SLC13A3: variants seen among roughly 807,000 people sequenced by gnomAD.
The protein encoded by SLC13A3 is solute carrier family 13 member 3.
SLC13A3 carries 40 observed loss-of-function variants against 59.0 expected under a neutral mutation model. The ratio of observed to expected loss-of-function variants is 0.68; its 90% CI spans 0.53 to 0.88. SLC13A3 has a LOEUF of 0.88. SLC13A3 is among the 40% of genes least tolerant of loss of function. The pLI is 0.00. For synonymous variants in SLC13A3, 317 were observed against 330.3 expected (o/e 0.96, Z 0.44); for missense variants, 699 against 783.2 (o/e 0.89, Z 1.28).
chr20:46,589,885 C>T (rs1322829912), intron 6 of SLC13A3, among the ~76,000 whole-genome samples: 1 of 152,078 alleles, frequency 6.6e-6, no homozygotes, highest in Non-Finnish European at 1.5e-5. Flanking sequence ...AGAGCTAAAG[C>T]CATAACACTC....
rs766921649 is a variant in SLC13A3, at chr20:46,613,529, A to G, written c.308T>C (p.Ile103Thr). Residue 103 changes from isoleucine to threonine, a missense_variant, in exon 2 of 13, where the codon ATT (isoleucine) becomes ACT (threonine). Coordinates refer to ENST00000279027, the MANE Select transcript of SLC13A3 (RefSeq NM_022829.6). Reference sequence around the variant, plus strand: ...TCGCCGGTGCAGGTTCCACTCCTCAATGGCGCTGGCCATGATCAGCCCACT... The same window carrying G: ...TCGCCGGTGCAGGTTCCACTCCTCAGTGGCGCTGGCCATGATCAGCCCACT... ...FLSGLIMASA[I>T]EEWNLHRRIA... The G allele has an allele frequency of 1.5e-5, 25 of 1,613,706 alleles. No individual in the cohort carries two copies. The highest frequency in any genetic ancestry group is 8.8e-5 in the South Asian group (8 of 91,016).
rs140812730 is a variant in SLC13A3 at position 46,583,648 on chromosome 20, G to A, written c.1143C>T (p.Thr381=). ...ACAAGATGGTGACAATAGCCACGCC[G>A]GTGACAGCATCAGAAAGAAACCTAC... The part of the protein sequence containing the change: ...FNPGFLSDAV[T]GVAIVTILFF... The change falls in exon 9 of 13, where the codon ACC becomes ACT. Residue 381 remains threonine (T), a synonymous_variant. Transcript: ENST00000279027. The A allele has an allele frequency of 1.5e-4, 240 of 1,614,020 alleles. No individual in the cohort carries two copies. Among genetic ancestry groups the A allele is most frequent in the Admixed American group, 2.7e-4 (16 of 60,002 alleles).
At chr20:46,641,533 G>A (rs909201348) in intron 1 of SLC13A3, among the ~76,000 whole-genome samples, 1 of 152,168 alleles carries the variant, frequency 6.6e-6, no homozygotes, top group Non-Finnish European at 1.5e-5. Context: ...CTTCTAGGAG[G>A]AGGTACCATT....
chr20:46,584,477 G>A (rs2062172320), intron 8 of SLC13A3: 2 of 985,318 alleles, frequency 2.0e-6, no homozygotes, highest in Non-Finnish European at 2.4e-6. Context: ...AAAGCCTAGA[G>A]CTCACTGCTA....
At chr20:46,560,977 G>A (rs1264196268) in intron 12 of SLC13A3, among the ~76,000 whole-genome samples, 3 of 152,156 alleles carry the variant, frequency 2.0e-5, no homozygotes, top group South Asian at 4.2e-4. Context: ...TCTTAGGGGT[G>A]TGATAGGAAA....
intron 1 of SLC13A3, among the ~76,000 whole-genome samples, chr20:46,658,401 G>A (rs1292089129): frequency 6.6e-6 from 1 of 152,192 alleles, no homozygotes; most frequent in Non-Finnish European, 1.5e-5. Context: ...GGTGATAGAT[G>A]TGTTCTGCTG....
rs757043932 is a variant in SLC13A3 at position 46,592,155 on chromosome 20, T to C, written c.920+249A>G. Among the ~76,000 whole-genome samples the C allele has an allele frequency of 1.3e-4, 20 of 152,176 alleles. 1 individual carries two copies. Among genetic ancestry groups the C allele is most frequent in the Non-Finnish European group, 1.9e-4 (13 of 68,032 alleles). ...TGAACCTGGGAGATTGAGGCTGCAATGTGCTATGATCGCACCACTGCACTC... is the reference window on the plus strand; with the variant it reads ...TGAACCTGGGAGATTGAGGCTGCAACGTGCTATGATCGCACCACTGCACTC... On this transcript the variant is annotated intron_variant, in intron 6 of 12. Coordinates refer to ENST00000279027, the MANE Select transcript of SLC13A3 (RefSeq NM_022829.6).
At chr20:46,612,840 T>C (rs2062513121) in intron 2 of SLC13A3, among the ~76,000 whole-genome samples, 2 of 152,126 alleles carry the variant, frequency 1.3e-5, no homozygotes, top group Admixed American at 6.5e-5. Flanking sequence ...CTCTTTAGGA[T>C]TGTAACCCTG....
In SLC13A3 at chr20:46,583,608, G is replaced by A; in HGVS notation, c.1183C>T (p.Gln395Ter). Residue 395 changes from glutamine to a stop codon, truncating the protein, a stop_gained, in exon 9 of 13, where the codon CAA becomes TAA. Coordinates refer to ENST00000279027, the MANE Select transcript of SLC13A3 (RefSeq NM_022829.6). LOFTEE classifies it high-confidence loss of function. ...AACCACCACTTGAGAGAGGGCCTTTGGGACGGGAAGAAGAACAAGATGGTG... is the reference window on the plus strand; with the variant it reads ...AACCACCACTTGAGAGAGGGCCTTTAGGACGGGAAGAAGAACAAGATGGTG... ...IVTILFFFPS[Q>*]RPSLKWWFDF... 1 of 1,613,560 alleles carries A rather than the reference G, an allele frequency of 6.2e-7. No homozygotes were observed. The highest frequency in any genetic ancestry group is 1.1e-5 in the South Asian group (1 of 91,040).
rs549131642 is a variant in SLC13A3 at position 46,669,388 on chromosome 20, T to C, written c.-31+655A>G. On this transcript the variant is annotated intron_variant, in intron 1 of 12. Coordinates refer to the SLC13A3 transcript ENST00000290317. ...AGCACTTACTATGCCCCACACACTA[T>C]GCTAAGTGCTTCCTCAGCTTTTCTC... Among the ~76,000 whole-genome samples, 110 of 152,192 alleles carry C rather than the reference T, an allele frequency of 7.2e-4. 1 individual carries two copies. The Middle Eastern group carries it at 0.02, about 28-fold the overall frequency.
chr20:46,626,107 C>CTG (rs1568943600), intron 1 of SLC13A3, among the ~76,000 whole-genome samples: 2 of 151,194 alleles, frequency 1.3e-5, no homozygotes, highest in East Asian at 3.9e-4. Flanking sequence ...TTCTCTCTCT[C>CTG]TCTCTCTCTC....
In SLC13A3 at chr20:46,651,345, G is replaced by T; in HGVS notation, c.77C>A (p.Ala26Glu). ...RLLVLLFTPL[A>E]LLPVVFALPP... ...GAGGGCGAAGACCACCGGCAGCAGCGCGAGCGGCGTGAACAGCAGCACCAG... is the reference window on the plus strand; with the variant it reads ...GAGGGCGAAGACCACCGGCAGCAGCTCGAGCGGCGTGAACAGCAGCACCAG... The change falls in exon 1 of 13, where the codon GCG becomes GAG. Residue 26 changes from alanine (A) to glutamate (E), a missense_variant. By Grantham distance (107) the Ala-to-Glu change is moderately radical. Coordinates refer to ENST00000279027, the MANE Select transcript of SLC13A3 (RefSeq NM_022829.6). 1 of 1,514,516 alleles carries T rather than the reference G, an allele frequency of 6.6e-7. No individual in the cohort carries two copies. The highest frequency in any genetic ancestry group is 1.2e-5 in the South Asian group (1 of 80,236). 93.8% of individuals were successfully genotyped at this position (1,514,516 alleles called of 1,614,324 possible). A position where few individuals can be genotyped will look rare whatever the true frequency, so the allele number is the denominator to read the frequency against.
At chr20:46,624,700 A>T (rs1284700400) in intron 1 of SLC13A3, among the ~76,000 whole-genome samples, 1 of 152,220 alleles carries the variant, frequency 6.6e-6, no homozygotes, top group African/African-American at 2.4e-5. Flanking sequence ...TCTGAAATTC[A>T]AAGTGAACTT....
At chr20:46,659,575 C>T (rs759073977) in intron 1 of SLC13A3, among the ~76,000 whole-genome samples, 2 of 151,840 alleles carry the variant, frequency 1.3e-5, no homozygotes, top group African/African-American at 2.4e-5. Flanking sequence ...ATTAGCTGAG[C>T]GTAGTTGCAG....
In SLC13A3 at chr20:46,592,377, T is replaced by C. The variant is rs766101453; in HGVS notation, c.920+27A>G. 13 of 1,612,998 alleles carry C rather than the reference T, an allele frequency of 8.1e-6. No homozygotes were observed. The East Asian group carries it at 2.9e-4, about 36-fold the overall frequency. ...AACGCCATTCCCTGCTTCCCCACTC[T>C]ATTGCCAAAAAGAAAATGAGAGGTA... On this transcript the variant is annotated intron_variant, in intron 6 of 12. Coordinates refer to ENST00000279027, the MANE Select transcript of SLC13A3 (RefSeq NM_022829.6).
At position 46,666,748 on chromosome 20, in the gene SLC13A3, C is replaced by T. The variant is rs145254940; in HGVS notation, c.-31+3295G>A. ...CGAACTCCTGGGCTCAAGCGACCCTCCTGCCTCGGCCTCTCAAAGCGTTGG... is the reference window on the plus strand; with the variant it reads ...CGAACTCCTGGGCTCAAGCGACCCTTCTGCCTCGGCCTCTCAAAGCGTTGG... On this transcript the variant is annotated intron_variant, in intron 1 of 12. Transcript: ENST00000290317. 1.4e-3 allele frequency among the ~76,000 whole-genome samples: 220 copies of T among 152,268 alleles called. 1 individual carries two copies. The highest frequency in any genetic ancestry group is 5.2e-3 in the African/African-American group (215 of 41,542).
At chr20:46,600,137 G>T in intron 3 of SLC13A3, 100 bp from the exon 4 acceptor site, 1 of 560,856 alleles carries the variant, frequency 1.8e-6, no homozygotes, top group Non-Finnish European at 2.7e-6. Flanking sequence ...CTTTGCCAAG[G>T]ATCCTATACT....
chr20:46,591,939 C>T (rs2062262063), intron 6 of SLC13A3, among the ~76,000 whole-genome samples: 1 of 152,068 alleles, frequency 6.6e-6, no homozygotes, highest in Non-Finnish European at 1.5e-5. Context: ...AGCACGGTGG[C>T]TCACACCTAT....
upstream of SLC13A3, among the ~76,000 whole-genome samples, chr20:46,671,973 C>A (rs187311928): frequency 3.3e-4 from 51 of 152,342 alleles, no homozygotes; most frequent in African/African-American, 1.2e-3. Context: ...GTCATCCAAT[C>A]TGATACACCT....
Sources: allele counts gnomAD v4.1 joint callset (sites outside exome capture counted in the v4.1 genomes callset), GRCh38; gene constraint gnomAD v4.1.1; transcripts MANE v1.5; gene names NCBI Gene and HGNC (gene_info 2026-07-23, HGNC 2026-07-21).